The following LRIG3 variants were observed in gnomAD, a reference collection of about 807,000 sequenced individuals.
The protein encoded by LRIG3 is leucine rich repeats and immunoglobulin like domains 3, also known as leucine-rich repeats and immunoglobulin-like domains protein 3.
Under a neutral mutation model 114.5 loss-of-function variants are expected in LRIG3, and 76 were observed. The observed-to-expected ratio is 0.66, with a 90% CI of 0.55 to 0.80. The LOEUF (loss-of-function observed/expected upper bound fraction) is 0.80. LRIG3 is among the 30% of genes least tolerant of loss of function. LRIG3 has a pLI of 0.00. For missense variants in LRIG3, 1,239 were observed against 1,382.8 expected (o/e 0.90, Z 1.65); for synonymous variants, 512 against 519.8 (o/e 0.98, Z 0.20).
At chr12:58,887,060 C>T (rs1383775175) in intron 8 of LRIG3, 170 bp from the exon 9 acceptor site, 3 of 544,838 alleles carry the variant, frequency 5.5e-6, no homozygotes, top group Non-Finnish European at 9.7e-6. Flanking sequence ...TACACCCTGC[C>T]TGATTCCCTC....
chr12:58,885,424 G>GATA (rs1426251680), intron 10 of LRIG3, among the ~76,000 whole-genome samples: 3 of 151,974 alleles, frequency 2.0e-5, no homozygotes, highest in Admixed American at 2.0e-4. Context: ...TAACAATAAA[G>GATA]ATAATAATAG....
At chr12:58,889,546 A>G (rs1439432780) in intron 5 of LRIG3, among the ~76,000 whole-genome samples, 4 of 152,062 alleles carry the variant, frequency 2.6e-5, no homozygotes, top group Non-Finnish European at 5.9e-5. Context: ...AAGCTCCCCA[A>G]GTGTTTGTAA....
chr12:58,879,861 C>T (rs1020608300), intron 13 of LRIG3, among the ~76,000 whole-genome samples: 8 of 152,146 alleles, frequency 5.3e-5, no homozygotes, highest in Non-Finnish European at 8.8e-5. Flanking sequence ...GAACTGGAGG[C>T]GGAGAAGTGA....
chr12:58,916,564 C>T (rs1280795559), intron 1 of LRIG3, among the ~76,000 whole-genome samples: 1 of 152,140 alleles, frequency 6.6e-6, no homozygotes, highest in East Asian at 1.9e-4. Flanking sequence ...AGTTGTACAA[C>T]GTCGATGTTT....
At chr12:58,916,942 G>T (rs7967566) in intron 1 of LRIG3, among the ~76,000 whole-genome samples, 12,023 of 152,158 alleles carry the variant, frequency 0.079, 560 homozygotes, top group Admixed American at 0.15. Context: ...AGCTTCTTAA[G>T]CAATCCCACT....
chr12:58,886,755 A>T, intron 9 of LRIG3, 55 bp downstream of exon 9: 1 of 1,493,726 alleles, frequency 6.7e-7, no homozygotes, highest in Admixed American at 1.7e-5. Context: ...ACTTCAGTGA[A>T]GACAAAATTT....
intron 1 of LRIG3, among the ~76,000 whole-genome samples, chr12:58,917,445 G>T (rs1218736516): frequency 1.3e-5 from 2 of 152,138 alleles, no homozygotes; most frequent in Non-Finnish European, 2.9e-5. Flanking sequence ...TGTGAGCAAG[G>T]CTTGGCGTAG....
At chr12:58,914,508 A>G (rs1872404394) in intron 1 of LRIG3, 172 bp from the exon 2 acceptor site, 12 of 568,438 alleles carry the variant, frequency 2.1e-5, no homozygotes, top group Non-Finnish European at 3.4e-5. Context: ...TACAAGCTCC[A>G]AGGACAAAAT....
intron 1 of LRIG3, among the ~76,000 whole-genome samples, chr12:58,916,902 C>A (rs181287618): frequency 1.3e-5 from 2 of 152,086 alleles, no homozygotes; most frequent in Non-Finnish European, 2.9e-5. Context: ...ATCTGACTTC[C>A]AAGTCAAATT....
intron 12 of LRIG3, among the ~76,000 whole-genome samples, chr12:58,881,936 A>G (rs1443990085): frequency 6.6e-6 from 1 of 152,236 alleles, no homozygotes; most frequent in African/African-American, 2.4e-5. Context: ...TGGGACTAAA[A>G]AACTATGAAA....
chr12:58,897,228 C>A (rs1320396830), intron 3 of LRIG3, among the ~76,000 whole-genome samples: 1 of 152,184 alleles, frequency 6.6e-6, no homozygotes, highest in African/African-American at 2.4e-5. Flanking sequence ...TGTAAGGAGA[C>A]AGATTCTTGA....
At position 58,885,812 on chromosome 12, in the gene LRIG3, C is replaced by G. The variant is rs1489730448; in HGVS notation, c.1244+19G>C. 6.6e-7 allele frequency: 1 copy of G among 1,526,064 alleles called. No homozygotes were observed. Among genetic ancestry groups the G allele is most frequent in the East Asian group, 2.4e-5 (1 of 41,860 alleles). The allele number at this position is 1,526,064 out of a possible 1,614,324, so 94.5% of individuals were successfully genotyped here. On this transcript the variant is annotated intron_variant, in intron 10 of 18. Transcript: ENST00000320743. ...TCTTAGAGATTCTCTTTTAGGGTAA[C>G]TAAATTCTAGCTACTCACAGATGCT...
rs1334132131 is a variant in LRIG3, at chr12:58,887,864, G to GT, written c.1015dup (p.Thr339AsnfsTer14). The GT allele has an allele frequency of 6.2e-7, 1 of 1,613,870 alleles. No individual in the cohort carries two copies. Among genetic ancestry groups the GT allele is most frequent in the East Asian group, 2.2e-5 (1 of 44,868 alleles). On this transcript the variant is annotated frameshift_variant, in exon 8 of 19. Coordinates refer to ENST00000320743, the MANE Select transcript of LRIG3 (RefSeq NM_153377.5). LOFTEE classifies it high-confidence loss of function. Reference sequence around the variant, plus strand: ...GACTCTGTTGTTCCCAATGTGCAGTGTATTTAGTAAGCTTAGGCCAAGGAA... The same window carrying GT: ...GACTCTGTTGTTCCCAATGTGCAGTGTTATTTAGTAAGCTTAGGCCAAGGAA...
intron 4 of LRIG3, 101 bp downstream of exon 4, chr12:58,890,564 A>G: frequency 9.1e-7 from 1 of 1,102,580 alleles, no homozygotes; most frequent in Non-Finnish European, 1.2e-6. Flanking sequence ...TATACTTTCA[A>G]TCCATCAGTA....
intron 1 of LRIG3, chr12:58,919,659 C>G: frequency 7.6e-7 from 1 of 1,308,574 alleles, no homozygotes; most frequent in Non-Finnish European, 1.0e-6. Flanking sequence ...GCTTATCTCC[C>G]CTGGGCCTGG....
chr12:58,880,003 G>A (rs1002082439), intron 13 of LRIG3, among the ~76,000 whole-genome samples: 4 of 152,104 alleles, frequency 2.6e-5, no homozygotes, highest in African/African-American at 9.7e-5. Flanking sequence ...TCTCAAAGAG[G>A]AAAACATTGC....
chr12:58,905,711 T>C (rs1180385108), intron 3 of LRIG3, among the ~76,000 whole-genome samples: 1 of 152,164 alleles, frequency 6.6e-6, no homozygotes, highest in Non-Finnish European at 1.5e-5. Context: ...GGAGTGAGAC[T>C]GGTAGCTTTA....
At chr12:58,888,722 G>T in intron 6 of LRIG3, 97 bp downstream of exon 6, 2 of 1,474,608 alleles carry the variant, frequency 1.4e-6, no homozygotes, top group East Asian at 2.3e-5. Flanking sequence ...TGGATGATGA[G>T]ATTTTAACAT....
At chr12:58,873,099 A>G (rs1472773730) in intron 18 of LRIG3, among the ~76,000 whole-genome samples, 1 of 152,166 alleles carries the variant, frequency 6.6e-6, no homozygotes, top group Admixed American at 6.5e-5. Flanking sequence ...GTCATGCAAT[A>G]AAGTTCCCCA....
Sources: allele counts gnomAD v4.1 joint callset (sites outside exome capture counted in the v4.1 genomes callset), GRCh38; gene constraint gnomAD v4.1.1; transcripts MANE v1.5; gene names NCBI Gene and HGNC (gene_info 2026-07-23, HGNC 2026-07-21).